Variants in EBF4 observed in about 807,000 individuals in gnomAD.
The protein encoded by EBF4 is transcription factor COE4.
EBF4 carries 34 observed loss-of-function variants against 67.1 expected under a neutral mutation model. The observed-to-expected ratio is 0.51, with a 90% CI of 0.39 to 0.67. EBF4 has a LOEUF of 0.67. EBF4 is among the 30% of genes least tolerant of loss of function. EBF4 has a pLI of 0.00. For missense variants in EBF4, 837 were observed against 873.3 expected (o/e 0.96, Z 0.52); for synonymous variants, 387 against 377.7 (o/e 1.02, Z -0.29).
chr20:2,742,914 C>A (rs1219964024), intron 6 of EBF4, among the ~76,000 whole-genome samples: 1 of 152,170 alleles, frequency 6.6e-6, no homozygotes. Flanking sequence ...GTGTCCCAGG[C>A]CCAGAACCTT....
At position 2,738,899 on chromosome 20, in the gene EBF4, C is replaced by T. The variant is rs574304432; in HGVS notation, c.558-9650C>T. Among the ~76,000 whole-genome samples the T allele has an allele frequency of 7.2e-5, 11 of 152,276 alleles. No homozygotes were observed. The South Asian group carries it at 1.5e-3, about 20-fold the overall frequency. On this transcript the variant is annotated intron_variant, in intron 6 of 16. Transcript: ENST00000609451. ...GGCCATTAGCATAGAGGATGGGGTG[C>T]GGGTGCATTGGCATGCTAATGTATG... is the stretch of plus-strand genomic sequence containing the variant.
intron 6 of EBF4, among the ~76,000 whole-genome samples, chr20:2,740,439 A>G (rs1166164584): frequency 6.6e-6 from 1 of 152,228 alleles, no homozygotes; most frequent in African/African-American, 2.4e-5. Context: ...AAGTTCCCTT[A>G]GGGAGCACTG....
At chr20:2,752,382 G>A (rs1304707984) in exon 14 of EBF4, 1 of 1,244,962 alleles carries the variant, frequency 8.0e-7, no homozygotes, top group East Asian at 3.4e-5. Context: ...GCAGCAGCGC[G>A]TCCCCCCGCG....
chr20:2,700,915 G>A (rs141407752), intron 1 of EBF4, among the ~76,000 whole-genome samples: 197 of 152,262 alleles, frequency 1.3e-3, no homozygotes, highest in African/African-American at 4.2e-3. Context: ...GTCCTTCTCC[G>A]TCTCTTGTTC....
At chr20:2,710,425 C>T (rs569468696) in intron 6 of EBF4, among the ~76,000 whole-genome samples, 1 of 152,264 alleles carries the variant, frequency 6.6e-6, no homozygotes, top group South Asian at 2.1e-4. Context: ...GCTGGGATTA[C>T]AAACATGAGC....
At chr20:2,694,910 G>C (rs933365987) in intron 1 of EBF4, among the ~76,000 whole-genome samples, 1 of 152,090 alleles carries the variant, frequency 6.6e-6, no homozygotes, top group Non-Finnish European at 1.5e-5. Flanking sequence ...GAAGAGAAAG[G>C]GTCTTGTGGA....
intron 7 of EBF4, 92 bp downstream of exon 7, chr20:2,748,722 C>A: frequency 7.2e-7 from 1 of 1,397,732 alleles, no homozygotes; most frequent in Non-Finnish European, 9.8e-7. Context: ...CCCTGCCACC[C>A]TGGGAAAGGC....
chr20:2,743,073 C>T (rs1408376165), intron 6 of EBF4, among the ~76,000 whole-genome samples: 2 of 152,224 alleles, frequency 1.3e-5, no homozygotes, highest in Non-Finnish European at 2.9e-5. Context: ...TCCCCAGCCC[C>T]CACATCTGGC....
chr20:2,711,852 A>C (rs1002048996), intron 6 of EBF4, among the ~76,000 whole-genome samples: 1 of 152,230 alleles, frequency 6.6e-6, no homozygotes, highest in Non-Finnish European at 1.5e-5. Context: ...GTGCCTAGGA[A>C]GGAAGGTTTG....
intron 6 of EBF4, among the ~76,000 whole-genome samples, chr20:2,738,100 ATCT>A (rs981612402): frequency 3.9e-5 from 6 of 152,096 alleles, no homozygotes; most frequent in African/African-American, 1.2e-4. Context: ...TTCTCACTTA[ATCT>A]TCTGTCTGTT....
intron 6 of EBF4, among the ~76,000 whole-genome samples, chr20:2,732,080 A>G (rs1291557444): frequency 1.3e-5 from 2 of 149,298 alleles, no homozygotes; most frequent in Non-Finnish European, 3.0e-5. Flanking sequence ...TGCATTTTGG[A>G]GCTGTTATTA....
intron 14 of EBF4, among the ~76,000 whole-genome samples, chr20:2,753,391 C>G (rs1277671872): frequency 1.3e-5 from 2 of 152,264 alleles, no homozygotes; most frequent in Non-Finnish European, 2.9e-5. Context: ...TCATTTTACA[C>G]TGCCCTCAAG....
At chr20:2,699,149 G>A (rs76392306) in intron 1 of EBF4, among the ~76,000 whole-genome samples, 2,685 of 152,210 alleles carry the variant, frequency 0.018, 56 homozygotes, top group Middle Eastern at 0.065. Flanking sequence ...AGCATCTCCC[G>A]GGACCTGCTG....
At chr20:2,748,909 T>C (rs548419450) in intron 7 of EBF4, among the ~76,000 whole-genome samples, 5 of 152,200 alleles carry the variant, frequency 3.3e-5, no homozygotes, top group Non-Finnish European at 1.5e-5. Flanking sequence ...GCAATTTGCA[T>C]AGCGTGAAGC....
rs1017853569 is a variant in EBF4 at position 2,696,007 on chromosome 20, G to A, written c.137+2225G>A. 1.3e-5 allele frequency among the ~76,000 whole-genome samples: 2 copies of A among 152,188 alleles called. No individual in the cohort carries two copies. The highest frequency in any genetic ancestry group is 6.5e-5 in the Admixed American group (1 of 15,288). On this transcript the variant is annotated intron_variant, in intron 1 of 16. Transcript: ENST00000609451. This position sits in a 1 kb window ranked among gnomAD's most constrained non-coding sequence, Gnocchi z 4.7. ...AATGAAACCCCCTGGCCCTCCACCC[G>A]CTTCCTCCCTGGCTTGAAGGTTAAC...
chr20:2,729,372 G>A (rs2087785022), intron 6 of EBF4, among the ~76,000 whole-genome samples: 3 of 152,148 alleles, frequency 2.0e-5, no homozygotes, highest in Admixed American at 6.5e-5. Context: ...CCAATGTCTG[G>A]CCCCGCTTAG....
chr20:2,750,138 C>A (rs1424076832), intron 10 of EBF4, among the ~76,000 whole-genome samples, 165 bp downstream of exon 10: 1 of 152,090 alleles, frequency 6.6e-6, no homozygotes, highest in Non-Finnish European at 1.5e-5. Context: ...GTGATCGCTC[C>A]GCTCGCAGGA....
exon 2 of EBF4, chr20:2,705,639 A>T: frequency 6.4e-7 from 1 of 1,553,148 alleles, no homozygotes; most frequent in Non-Finnish European, 8.7e-7. Context: ...AGGAAATCCA[A>T]CTTCTTCCAC....
chr20:2,755,913 A>C lies in EBF4; in HGVS notation c.1738+89A>C. The C allele has an allele frequency of 8.7e-5, 109 of 1,249,346 alleles. No homozygotes were observed. Among genetic ancestry groups the C allele is most frequent in the Non-Finnish European group, 1.1e-4 (104 of 915,496 alleles). The allele number at this position is 1,249,346 out of a possible 1,614,324, so 77.4% of individuals were successfully genotyped here. On this transcript the variant is annotated intron_variant, in intron 15 of 16. Coordinates refer to ENST00000609451, the Ensembl canonical transcript of EBF4. This position sits in a 1 kb window ranked among gnomAD's most constrained non-coding sequence, Gnocchi z 4.7. The stretch of plus-strand genomic sequence containing the variant: ...CAGGGGCCTGCTCTGTCCACATCTC[A>C]CCAGTGCCTCATGCTGGCTAACCTG...
Sources: allele counts gnomAD v4.1 joint callset (sites outside exome capture counted in the v4.1 genomes callset), GRCh38; gene constraint gnomAD v4.1.1; non-coding constraint Gnocchi (gnomAD v3.1); transcripts MANE v1.5; gene names NCBI Gene and HGNC (gene_info 2026-07-23, HGNC 2026-07-21).